Variants in CELF5 observed in about 807,000 individuals in gnomAD.
CELF5 encodes the protein CUGBP Elav-like family member 5, also known as CUG-BP and ETR-3 like factor 5.
Under a neutral mutation model 54.9 loss-of-function variants are expected in CELF5, and 6 were observed. The observed-to-expected ratio is 0.11, with a 90% CI of 0.06 to 0.22. The LOEUF (loss-of-function observed/expected upper bound fraction) is 0.22. Ranked by LOEUF, CELF5 falls within the 10% of genes least tolerant of loss-of-function variation. The pLI, the probability that CELF5 is intolerant of heterozygous loss-of-function variation, is 1.00. For missense variants in CELF5, 401 were observed against 678.6 expected, an observed-to-expected ratio of 0.59 and a Z score of 4.54; for synonymous variants, 271 against 290.9, an observed-to-expected ratio of 0.93 and a Z score of 0.70.
intron 1 of CELF5, among the ~76,000 whole-genome samples, chr19:3,244,700 G>A: frequency 6.7e-6 from 1 of 149,386 alleles, no homozygotes; most frequent in South Asian, 2.1e-4. Context: ...TGTGTGGTGT[G>A]TATGCATCTG....
rs779489728 is a variant in CELF5 at position 3,290,304 on chromosome 19, C to T, written c.1260C>T (p.Phe420=). The part of the protein sequence containing the change: ...EFGDTELTQM[F]LPFGNIISSK... ...GAGACACGGAGCTGACGCAGATGTT[C>T]CTACCCTTCGGCAATATCATTTCCT... Residue 420 remains phenylalanine, a synonymous_variant, in exon 11 of 13, where the codon TTC becomes TTT. Transcript: ENST00000292672. 6 of 1,613,860 alleles carry T rather than the reference C, an allele frequency of 3.7e-6. No individual in the cohort carries two copies. The South Asian group carries it at 5.5e-5, about 15-fold the overall frequency.
At chr19:3,245,392 G>C (rs888947284) in intron 1 of CELF5, among the ~76,000 whole-genome samples, 3 of 149,524 alleles carry the variant, frequency 2.0e-5, no homozygotes, top group Non-Finnish European at 4.5e-5. Context: ...ATGCATCTGT[G>C]TGTGTGTGCG....
Position 3,284,953 on chromosome 19 carries a change from A to G in CELF5, c.1091A>G (p.Gln364Arg). ...CTGCATCCTGCCTTCTCCGGAGTCC[A>G]GCAGTACACAGGTAGGAGGCAGCCC... ...ETLHPAFSGV[Q>R]QYTAMYPTAA... is the part of the protein sequence containing the mutation. Residue 364 changes from glutamine to arginine, a missense_variant, in exon 9 of 13, where the codon CAG becomes CGG. This residue lies in a region of CELF5 where 143 missense variants were observed against 147.6 expected (regional missense o/e 0.97). Coordinates refer to ENST00000292672, the MANE Select transcript of CELF5 (RefSeq NM_021938.4). 1 of 1,611,788 alleles carries G rather than the reference A, an allele frequency of 6.2e-7. No individual in the cohort carries two copies. Among genetic ancestry groups the G allele is most frequent in the Non-Finnish European group, 8.5e-7 (1 of 1,179,320 alleles).
At chr19:3,285,660 T>C (rs1030471190) in intron 9 of CELF5, among the ~76,000 whole-genome samples, 1 of 16,896 alleles carries the variant, frequency 5.9e-5, no homozygotes, top group African/African-American at 2.0e-4. Flanking sequence ...CGCCATGGGG[T>C]CCGCCCCCAC....
intron 9 of CELF5, among the ~76,000 whole-genome samples, chr19:3,285,696 A>G (rs2080233415): frequency 1.5e-5 from 1 of 64,796 alleles, no homozygotes; most frequent in Non-Finnish European, 3.0e-5. Flanking sequence ...CCGTCTCGGT[A>G]TTGGCCCTGC....
At chr19:3,251,543 A>G (rs1017299051) in intron 2 of CELF5, among the ~76,000 whole-genome samples, 1 of 151,662 alleles carries the variant, frequency 6.6e-6, no homozygotes, top group Non-Finnish European at 1.5e-5. Context: ...TGTGTGGACC[A>G]TGGGGAGAAG....
intron 1 of CELF5, among the ~76,000 whole-genome samples, chr19:3,238,441 G>A (rs999800412): frequency 1.3e-5 from 2 of 152,194 alleles, no homozygotes; most frequent in Non-Finnish European, 2.9e-5. Flanking sequence ...AAACTGGGGG[G>A]CTTGGAACAG....
intron 1 of CELF5, among the ~76,000 whole-genome samples, chr19:3,235,893 A>T (rs547052677): frequency 1.3e-5 from 2 of 151,772 alleles, no homozygotes; most frequent in East Asian, 3.9e-4. Flanking sequence ...TGGATGATGG[A>T]CAAGTGGATG....
At chr19:3,236,028 A>G (rs1917586622) in intron 1 of CELF5, among the ~76,000 whole-genome samples, 2 of 152,156 alleles carry the variant, frequency 1.3e-5, no homozygotes, top group African/African-American at 4.8e-5. Context: ...AGGAACCCCC[A>G]TATGTCAGGC....
intron 1 of CELF5, among the ~76,000 whole-genome samples, chr19:3,231,095 A>G (rs1397385380): frequency 6.6e-6 from 1 of 152,216 alleles, no homozygotes; most frequent in Non-Finnish European, 1.5e-5. Flanking sequence ...TCAGGGCCAA[A>G]GGGAAGGGCT....
intron 1 of CELF5, among the ~76,000 whole-genome samples, chr19:3,248,412 C>A (rs781063535): frequency 6.6e-6 from 1 of 152,048 alleles, no homozygotes; most frequent in South Asian, 2.1e-4. Context: ...ACCCCCCATC[C>A]TGATTTCCAT....
Position 3,237,564 on chromosome 19 carries a change from T to C in CELF5, c.259+12566T>C, listed in dbSNP as rs1200714622. ...GTCGTGGCGCGGGTGGGAGTGTCTC[T>C]TAGCATGCTAATGCATTATAATTAG... On this transcript the variant is annotated intron_variant, in intron 1 of 12. Coordinates refer to ENST00000292672, the MANE Select transcript of CELF5 (RefSeq NM_021938.4). Among the ~76,000 whole-genome samples the C allele has an allele frequency of 2.6e-5, 4 of 152,154 alleles. No homozygotes were observed. The East Asian group carries it at 7.7e-4, about 29-fold the overall frequency.
intron 1 of CELF5, among the ~76,000 whole-genome samples, chr19:3,227,137 T>C (rs1200895253): frequency 6.6e-6 from 1 of 151,988 alleles, no homozygotes. Flanking sequence ...GGGAAGTGAA[T>C]CCCCACCTGC....
rs1220571765 is a variant in CELF5 at position 3,278,883 on chromosome 19, CAAAA to C, written c.603+775_603+778del. Among the ~76,000 whole-genome samples, 1 of 151,982 alleles carries C rather than the reference CAAAA, an allele frequency of 6.6e-6. No homozygotes were observed. The highest frequency in any genetic ancestry group is 1.5e-5 in the Non-Finnish European group (1 of 67,988). ...TTGCTGAGGCCAGGAGAGGCCCTGA[CAAAA>C]AGAAAGGCTGGGAGGTGGCAACAGG... On this transcript the variant is annotated intron_variant, in intron 5 of 12. Coordinates refer to ENST00000292672, the MANE Select transcript of CELF5 (RefSeq NM_021938.4). The surrounding 1 kb of genome is among the most constrained non-coding windows in gnomAD (Gnocchi z 4.5).
chr19:3,237,105 G>T (rs985852465), intron 1 of CELF5, among the ~76,000 whole-genome samples: 1 of 151,426 alleles, frequency 6.6e-6, no homozygotes, highest in Non-Finnish European at 1.5e-5. Flanking sequence ...GAGGTCAGGA[G>T]ATCGAGACCA....
chr19:3,255,507 A>G (rs1256829945), intron 2 of CELF5, among the ~76,000 whole-genome samples: 1 of 151,874 alleles, frequency 6.6e-6, no homozygotes, highest in Non-Finnish European at 1.5e-5. Flanking sequence ...TTTTTGAACC[A>G]GTTTCTCTCC....
At chr19:3,225,641 T>G in intron 1 of CELF5, 4 of 972,992 alleles carry the variant, frequency 4.1e-6, no homozygotes, top group Non-Finnish European at 4.9e-6. Flanking sequence ...GAAGACGGGT[T>G]GGGGGCGCCC....
At chr19:3,251,213 C>T in intron 2 of CELF5, 146 bp downstream of exon 2, 1 of 634,180 alleles carries the variant, frequency 1.6e-6, no homozygotes. Flanking sequence ...GTATAGAAAT[C>T]ATCATAATAG....
chr19:3,271,269 C>G (rs1197043771), intron 2 of CELF5, among the ~76,000 whole-genome samples: 3 of 152,044 alleles, frequency 2.0e-5, no homozygotes, highest in African/African-American at 7.2e-5. Context: ...CTGGCACCCC[C>G]CCGCTTCCAG....
Sources: allele counts gnomAD v4.1 joint callset (sites outside exome capture counted in the v4.1 genomes callset), GRCh38; gene constraint gnomAD v4.1.1; regional missense constraint gnomAD v4.1.1; non-coding constraint Gnocchi (gnomAD v3.1); transcripts MANE v1.5; gene names NCBI Gene and HGNC (gene_info 2026-07-23, HGNC 2026-07-21).